PDE1A: variants seen among roughly 807,000 people sequenced by gnomAD.
The protein encoded by PDE1A is phosphodiesterase 1A.
A neutral mutation model predicts 61.7 loss-of-function variants in PDE1A; 35 were observed. That is an observed-to-expected ratio of 0.57 (90% CI 0.43 to 0.75). PDE1A has a LOEUF of 0.75. Among genes scored for constraint, PDE1A ranks in the 30% least tolerant of loss-of-function variants. The pLI, the probability that PDE1A is intolerant of heterozygous loss-of-function variation, is 0.00. For missense variants in PDE1A, 597 were observed against 630.6 expected (o/e 0.95, Z 0.57); for synonymous variants, 232 against 213.2 (o/e 1.09, Z -0.77).
At chr2:182,567,955 G>A in the PDE1A span, among the ~76,000 whole-genome samples, 1 of 151,646 alleles carries the variant, frequency 6.6e-6, no homozygotes, top group Non-Finnish European at 1.5e-5. Context: ...ACCACGCCCG[G>A]CTAATTTTTG....
chr2:182,470,468 T>C (rs1341738128), intron 2 of PDE1A, among the ~76,000 whole-genome samples: 1 of 151,968 alleles, frequency 6.6e-6, no homozygotes, highest in South Asian at 2.1e-4. Context: ...GAAATAGCTA[T>C]TTAACAGTAA....
At position 182,458,931 on chromosome 2, in the gene PDE1A, T is replaced by G. The variant is rs112571448; in HGVS notation, c.101+63345A>C. Among the ~76,000 whole-genome samples the G allele has an allele frequency of 3.5e-3, 535 of 152,232 alleles. 1 individual carries two copies. Among genetic ancestry groups the G allele is most frequent in the South Asian group, 7.0e-3 (34 of 4,832 alleles). The stretch of plus-strand genomic sequence containing the variant: ...TTGTGGTCCAGCTTTTCATCTATCA[T>G]ATTCTAAAGATTACTCCTTAAGCTT... On this transcript the variant is annotated intron_variant, in intron 2 of 14. Coordinates refer to the PDE1A transcript ENST00000410103.
the PDE1A span, among the ~76,000 whole-genome samples, chr2:182,702,010 CAATTTACAGAATTT>C: frequency 6.6e-6 from 1 of 152,178 alleles, no homozygotes; most frequent in African/African-American, 2.4e-5. Context: ...TTAAAGAAAC[CAATTTACAGAATTT>C]AATTTGCAGA....
chr2:182,376,225 G>C (rs576070694), intron 1 of PDE1A, among the ~76,000 whole-genome samples: 2 of 152,272 alleles, frequency 1.3e-5, no homozygotes, highest in Admixed American at 1.3e-4. Flanking sequence ...TGCATTGTTA[G>C]GCTGCAAATT....
intron 2 of PDE1A, among the ~76,000 whole-genome samples, chr2:182,516,707 AGG>A (rs1490075843): frequency 1.3e-4 from 4 of 30,198 alleles, no homozygotes; most frequent in Non-Finnish European, 2.4e-4. Flanking sequence ...GAAGGGAGGA[AGG>A]AAGGAAGGAA....
rs573745994 is a variant in PDE1A, at chr2:182,377,936, C to T, written c.53+48642G>A. On this transcript the variant is annotated intron_variant, in intron 1 of 13. Transcript: ENST00000351439. ...TCTTGGCTCACTGCAGGCTCCTCCC[C>T]GCAGGGTTCATGCCATTCTCCTACC... is the stretch of plus-strand genomic sequence containing the variant. 1.2e-3 allele frequency among the ~76,000 whole-genome samples: 188 copies of T among 152,108 alleles called. 1 individual carries two copies. The highest frequency in any genetic ancestry group is 4.1e-3 in the African/African-American group (170 of 41,486).
chr2:182,143,790 C>T (rs1690350672), downstream of PDE1A, among the ~76,000 whole-genome samples: 3 of 152,206 alleles, frequency 2.0e-5, no homozygotes, highest in Admixed American at 6.5e-5. Flanking sequence ...GCTGGGATTA[C>T]AGGCATGAGC....
intron 1 of PDE1A, among the ~76,000 whole-genome samples, chr2:182,268,452 TATATATAC>T (rs1272099671): frequency 6.6e-6 from 1 of 152,020 alleles, no homozygotes; most frequent in Admixed American, 6.6e-5. Flanking sequence ...AAACCACACT[TATATATAC>T]ATATATACAT....
chr2:182,364,466 T>TCAAAAAA (rs1699699627), intron 1 of PDE1A, among the ~76,000 whole-genome samples: 1 of 35,840 alleles, frequency 2.8e-5, no homozygotes, highest in Admixed American at 5.3e-4. Context: ...AACACTTTGG[T>TCAAAAAA]AAAAAAAAAA....
chr2:182,425,252 T>A (rs1289957114), intron 1 of PDE1A, among the ~76,000 whole-genome samples: 1 of 152,198 alleles, frequency 6.6e-6, no homozygotes, highest in Non-Finnish European at 1.5e-5. Flanking sequence ...CTCACTGGTG[T>A]TGAGTTTAGA....
At chr2:182,435,976 ACAG>A (rs1356250239) in intron 2 of PDE1A, among the ~76,000 whole-genome samples, 2 of 152,126 alleles carry the variant, frequency 1.3e-5, no homozygotes, top group African/African-American at 4.8e-5. Flanking sequence ...TGAGAATTAG[ACAG>A]CAATAGAGAT....
intron 8 of PDE1A, among the ~76,000 whole-genome samples, chr2:182,204,863 C>T (rs1239824106): frequency 1.3e-5 from 2 of 152,164 alleles, no homozygotes; most frequent in Non-Finnish European, 2.9e-5. Flanking sequence ...GTTCCACCTT[C>T]CCTCTACCTG....
rs539101591 is a variant in PDE1A at position 182,452,821 on chromosome 2, T to C, written c.101+69455A>G. Among the ~76,000 whole-genome samples the C allele has an allele frequency of 5.1e-4, 78 of 152,236 alleles. 2 individuals carry two copies. The South Asian group carries it at 0.016, about 31-fold the overall frequency. On this transcript the variant is annotated intron_variant, in intron 2 of 14. Transcript: ENST00000410103. ...CTGCAATGCCAGTGGTTAAACACCA[T>C]GGCAAAACCAGAATAATCAAGGGAT...
intron 10 of PDE1A, among the ~76,000 whole-genome samples, chr2:182,192,342 A>G (rs978760466): frequency 6.6e-6 from 1 of 152,132 alleles, no homozygotes; most frequent in Non-Finnish European, 1.5e-5. Flanking sequence ...AGCACATTGA[A>G]TGCTAAAGTA....
chr2:182,450,820 A>T (rs1685460105), intron 2 of PDE1A, among the ~76,000 whole-genome samples: 1 of 152,138 alleles, frequency 6.6e-6, no homozygotes, highest in Non-Finnish European at 1.5e-5. Flanking sequence ...GCAAAAATTA[A>T]TGTATACTGA....
the PDE1A span, among the ~76,000 whole-genome samples, chr2:182,622,116 G>A: frequency 6.6e-6 from 1 of 152,098 alleles, no homozygotes; most frequent in Non-Finnish European, 1.5e-5. Context: ...TTCATAAAAA[G>A]AATGACTGGA....
chr2:182,624,124 C>CAAA, the PDE1A span, among the ~76,000 whole-genome samples: 22 of 109,884 alleles, frequency 2.0e-4, 1 homozygote, highest in South Asian at 6.0e-4. Flanking sequence ...GACTCCGTCT[C>CAAA]AAAAAAAAAA....
intron 1 of PDE1A, among the ~76,000 whole-genome samples, chr2:182,292,134 G>T (rs921179176): frequency 6.6e-6 from 1 of 151,966 alleles, no homozygotes; most frequent in East Asian, 1.9e-4. Context: ...CATATAATTG[G>T]ATATGCTTTG....
intron 2 of PDE1A, among the ~76,000 whole-genome samples, chr2:182,515,675 T>A (rs993596947): frequency 1.3e-5 from 2 of 152,212 alleles, no homozygotes; most frequent in Non-Finnish European, 2.9e-5. Context: ...TAATAACTGA[T>A]TTGCCTGATT....
Sources: allele counts gnomAD v4.1 joint callset (sites outside exome capture counted in the v4.1 genomes callset), GRCh38; gene constraint gnomAD v4.1.1; transcripts MANE v1.5; gene names NCBI Gene and HGNC (gene_info 2026-07-23, HGNC 2026-07-21).